The following NRG3 variants were observed in gnomAD, a reference collection of about 807,000 sequenced individuals.
The protein encoded by NRG3 is neuregulin 3, also known as pro-neuregulin-3, membrane-bound isoform.
Under a neutral mutation model 66.9 loss-of-function variants are expected in NRG3, and 31 were observed. That is an observed-to-expected ratio of 0.46 (90% CI 0.35 to 0.63). The LOEUF is 0.63. Ranked by LOEUF, NRG3 falls within the 20% of genes least tolerant of loss-of-function variation. NRG3 has a pLI of 0.00. For missense variants in NRG3, 910 were observed against 878.9 expected, an observed-to-expected ratio of 1.04 and a Z score of -0.45; for synonymous variants, 393 against 359.4, an observed-to-expected ratio of 1.09 and a Z score of -1.06.
chr10:82,293,961 CTT>C (rs1284945286), intron 1 of NRG3, among the ~76,000 whole-genome samples: 2 of 151,834 alleles, frequency 1.3e-5, no homozygotes, highest in African/African-American at 4.8e-5. Flanking sequence ...CTTCCTCTCT[CTT>C]GTTAGCCCTC....
chr10:82,764,210 C>A (rs2059427823), intron 3 of NRG3, among the ~76,000 whole-genome samples: 1 of 150,990 alleles, frequency 6.6e-6, no homozygotes, highest in Non-Finnish European at 1.5e-5. Flanking sequence ...ACTTTTTGTA[C>A]TTTTAGTGGA....
chr10:82,774,147 A>C (rs186657490), intron 3 of NRG3, among the ~76,000 whole-genome samples: 2 of 152,040 alleles, frequency 1.3e-5, no homozygotes, highest in African/African-American at 4.8e-5. Context: ...ATTAGACATA[A>C]TTTTTTTGCT....
intron 1 of NRG3, among the ~76,000 whole-genome samples, chr10:82,191,220 A>G (rs947701658): frequency 2.6e-5 from 4 of 152,174 alleles, no homozygotes; most frequent in Admixed American, 1.3e-4. Context: ...ACAATGCACA[A>G]CATCTGCTGA....
chr10:82,429,909 A>G (rs543279864), intron 2 of NRG3, among the ~76,000 whole-genome samples: 1 of 152,254 alleles, frequency 6.6e-6, no homozygotes, highest in African/African-American at 2.4e-5. Context: ...TCTGCTGCCA[A>G]CACCTTCTTG....
intron 1 of NRG3, among the ~76,000 whole-genome samples, chr10:81,938,539 A>C (rs1848104471): frequency 6.6e-6 from 1 of 151,310 alleles, no homozygotes; most frequent in Non-Finnish European, 1.5e-5. Flanking sequence ...GTTCATTGTT[A>C]GTGTGTAGAA....
intron 1 of NRG3, among the ~76,000 whole-genome samples, chr10:81,994,607 T>C (rs971467183): frequency 1.3e-5 from 2 of 152,124 alleles, no homozygotes; most frequent in Non-Finnish European, 2.9e-5. Flanking sequence ...GTATATGAGA[T>C]AATAGCTTTC....
chr10:82,083,503 TG>T (rs2065518242), intron 1 of NRG3, among the ~76,000 whole-genome samples: 1 of 152,074 alleles, frequency 6.6e-6, no homozygotes, highest in South Asian at 2.1e-4. Flanking sequence ...GTCTAGGTAC[TG>T]GGTAGAGATA....
At chr10:82,557,471 T>C (rs1172680683) in intron 2 of NRG3, among the ~76,000 whole-genome samples, 1 of 152,142 alleles carries the variant, frequency 6.6e-6, no homozygotes, top group Non-Finnish European at 1.5e-5. Flanking sequence ...CTCTGCTCAC[T>C]TTTTAATGTT....
chr10:82,476,105 T>C (rs1841755210), intron 2 of NRG3, among the ~76,000 whole-genome samples: 1 of 152,032 alleles, frequency 6.6e-6, no homozygotes. Context: ...CAACAATCAC[T>C]AGGGCAAGGC....
chr10:82,263,057 T>A (rs534766277), intron 1 of NRG3, among the ~76,000 whole-genome samples: 4 of 152,244 alleles, frequency 2.6e-5, no homozygotes, highest in Admixed American at 1.3e-4. Flanking sequence ...AAAAATAAAA[T>A]AAAATTTAAA....
intron 2 of NRG3, among the ~76,000 whole-genome samples, chr10:82,551,607 T>G (rs1461209890): frequency 1.3e-4 from 6 of 47,524 alleles, no homozygotes; most frequent in African/African-American, 7.7e-4. Flanking sequence ...TAAAATACTG[T>G]TTTTTTTTTT....
intron 2 of NRG3, among the ~76,000 whole-genome samples, chr10:82,379,830 G>A (rs1280721573): frequency 6.8e-6 from 1 of 146,920 alleles, no homozygotes; most frequent in African/African-American, 2.5e-5. Flanking sequence ...TGGAATGGAA[G>A]CCTTAACAGT....
intron 1 of NRG3, among the ~76,000 whole-genome samples, chr10:81,932,058 A>C (rs949203440): frequency 2.0e-5 from 3 of 152,146 alleles, no homozygotes; most frequent in Admixed American, 2.0e-4. Flanking sequence ...AGAAAGCTGG[A>C]TGCTGATATC....
At chr10:82,054,720 G>C (rs1228086896) in intron 1 of NRG3, among the ~76,000 whole-genome samples, 1 of 151,988 alleles carries the variant, frequency 6.6e-6, no homozygotes, top group African/African-American at 2.4e-5. Flanking sequence ...GAAAAGTCTA[G>C]TATTGAGAAA....
chr10:82,825,311 T>C (rs1306184157), intron 3 of NRG3, among the ~76,000 whole-genome samples: 1 of 152,242 alleles, frequency 6.6e-6, no homozygotes, highest in Non-Finnish European at 1.5e-5. Context: ...AGCTCTTATA[T>C]TTATATCTTT....
At chr10:82,959,883 G>A (rs1355390003) in intron 6 of NRG3, among the ~76,000 whole-genome samples, 1 of 152,160 alleles carries the variant, frequency 6.6e-6, no homozygotes, top group Non-Finnish European at 1.5e-5. Flanking sequence ...ATTAAAGCAA[G>A]AGAATTCTGT....
At chr10:82,106,539 T>C (rs956622238) in intron 1 of NRG3, among the ~76,000 whole-genome samples, 1 of 151,778 alleles carries the variant, frequency 6.6e-6, no homozygotes, top group African/African-American at 2.4e-5. Context: ...GGAGTCTCAT[T>C]CTGTCACCTA....
chr10:82,644,333 C>T (rs2050790385), intron 2 of NRG3, among the ~76,000 whole-genome samples: 2 of 152,080 alleles, frequency 1.3e-5, no homozygotes, highest in Non-Finnish European at 2.9e-5. Context: ...GTGTTTGCTT[C>T]CTAAATGAGT....
intron 1 of NRG3, among the ~76,000 whole-genome samples, chr10:82,006,332 G>A (rs191177541): frequency 7.9e-5 from 12 of 151,854 alleles, no homozygotes; most frequent in Non-Finnish European, 7.4e-5. Context: ...GAATTTATCC[G>A]TTCCTTTTGC....
Sources: gnomAD v4.1 joint callset for allele counts (sites outside exome capture counted in the v4.1 genomes callset) on GRCh38, gnomAD v4.1.1 for gene constraint, MANE v1.5 for transcripts, NCBI Gene and HGNC (gene_info 2026-07-23, HGNC 2026-07-21) for gene names.